The following SRFBP1 variants were observed in gnomAD, a reference collection of about 807,000 sequenced individuals.
The protein encoded by SRFBP1 is serum response factor binding protein 1, also known as serum response factor-binding protein 1.
A neutral mutation model predicts 45.5 loss-of-function variants in SRFBP1; 47 were observed. That is an observed-to-expected ratio of 1.03 (90% CI 0.82 to 1.32). The LOEUF (loss-of-function observed/expected upper bound fraction) is 1.32. SRFBP1 is among the 40% of genes most tolerant of loss of function. The pLI, the probability that SRFBP1 is intolerant of heterozygous loss-of-function variation, is 0.00. For missense variants in SRFBP1, 621 were observed against 484.6 expected, an observed-to-expected ratio of 1.28 and a Z score of -2.64; for synonymous variants, 203 against 166.3, an observed-to-expected ratio of 1.22 and a Z score of -1.70.
chr5:122,009,475 A>T (rs1475212639), intron 4 of SRFBP1, among the ~76,000 whole-genome samples: 1 of 152,020 alleles, frequency 6.6e-6, no homozygotes, highest in East Asian at 1.9e-4. Context: ...ACTATGTGTT[A>T]TATCTGTGAT....
In SRFBP1 at chr5:121,987,604, A is replaced by C. The variant is rs148243195; in HGVS notation, c.199-6995A>C. On this transcript the variant is annotated intron_variant, in intron 3 of 7. Transcript: ENST00000339397. ...AAATGACTCATTTTCAAATAGACCA[A>C]AAATTTAGAACCCAGACATTTCTTG... is the stretch of plus-strand genomic sequence containing the variant. Among the ~76,000 whole-genome samples the C allele has an allele frequency of 4.0e-3, 604 of 152,310 alleles. 5 individuals are homozygous for C. The highest frequency in any genetic ancestry group is 0.014 in the African/African-American group (581 of 41,574).
At chr5:121,977,123 A>G (rs1185542349) in intron 3 of SRFBP1, among the ~76,000 whole-genome samples, 2 of 152,056 alleles carry the variant, frequency 1.3e-5, no homozygotes, top group Non-Finnish European at 2.9e-5. Context: ...ATTCAGTGAT[A>G]AAGTTTGTAG....
At chr5:121,986,727 C>T (rs1752525861) in intron 3 of SRFBP1, among the ~76,000 whole-genome samples, 2 of 152,018 alleles carry the variant, frequency 1.3e-5, no homozygotes, top group Admixed American at 6.6e-5. Context: ...CTTTTTCTGC[C>T]TCATATCCGT....
intron 1 of SRFBP1, among the ~76,000 whole-genome samples, chr5:121,972,017 A>G (rs1752209402): frequency 1.3e-5 from 2 of 151,924 alleles, no homozygotes; most frequent in African/African-American, 2.4e-5. Context: ...TCTCCACACA[A>G]CTGAAGAGGG....
chr5:121,991,062 G>T (rs1398015785), intron 3 of SRFBP1, among the ~76,000 whole-genome samples: 2 of 152,218 alleles, frequency 1.3e-5, no homozygotes, highest in Admixed American at 1.3e-4. Context: ...TCAGGTAAGG[G>T]ACCCCAGCCT....
chr5:121,991,506 T>A (rs1212583950), intron 3 of SRFBP1, among the ~76,000 whole-genome samples: 1 of 152,164 alleles, frequency 6.6e-6, no homozygotes. Context: ...TGTGAAATTT[T>A]CTGTAATCTT....
At chr5:121,963,141 A>C (rs982496116) in intron 1 of SRFBP1, among the ~76,000 whole-genome samples, 3 of 152,240 alleles carry the variant, frequency 2.0e-5, no homozygotes, top group Admixed American at 6.5e-5. Flanking sequence ...TGGTATAAGC[A>C]GGAAAGGGCT....
chr5:121,976,739 GTA>G (rs764405171), intron 3 of SRFBP1, among the ~76,000 whole-genome samples: 18 of 148,060 alleles, frequency 1.2e-4, no homozygotes, highest in African/African-American at 1.5e-4. Context: ...GTGTATGCAT[GTA>G]TATATATATA....
In SRFBP1 at chr5:122,020,087, G is replaced by C; in HGVS notation, c.353-1G>C. On this transcript the variant is annotated splice_acceptor_variant, in intron 5 of 7. Coordinates refer to ENST00000339397, the MANE Select transcript of SRFBP1 (RefSeq NM_152546.3). LOFTEE classifies it high-confidence loss of function. ...TGAGTGATGCACTGTTTCTCTTGCA[G>C]CTGCTGTACAAGCCTTTAAAGAAGC... is the stretch of plus-strand genomic sequence containing the variant. 6.5e-7 allele frequency: 1 copy of C among 1,537,564 alleles called. No individual in the cohort carries two copies. Among genetic ancestry groups the C allele is most frequent in the Non-Finnish European group, 8.7e-7 (1 of 1,145,602 alleles).
At chr5:122,000,246 G>A (rs1408730948) in intron 4 of SRFBP1, among the ~76,000 whole-genome samples, 2 of 151,876 alleles carry the variant, frequency 1.3e-5, no homozygotes, top group Non-Finnish European at 2.9e-5. Flanking sequence ...TTGTGCCATT[G>A]TTGTTAAACA....
At chr5:121,984,616 C>T (rs1196990338) in intron 3 of SRFBP1, among the ~76,000 whole-genome samples, 1 of 151,724 alleles carries the variant, frequency 6.6e-6, no homozygotes, top group East Asian at 1.9e-4. Context: ...GAGTAAATAA[C>T]ATATACAACA....
intron 3 of SRFBP1, among the ~76,000 whole-genome samples, chr5:121,993,391 T>A (rs1752655306): frequency 6.6e-6 from 1 of 152,192 alleles, no homozygotes; most frequent in African/African-American, 2.4e-5. Flanking sequence ...TTGTTTAAAT[T>A]GTCCTATGAC....
At chr5:122,023,623 G>T (rs565838970) in intron 7 of SRFBP1, among the ~76,000 whole-genome samples, 1 of 152,302 alleles carries the variant, frequency 6.6e-6, no homozygotes, top group African/African-American at 2.4e-5. Context: ...TTCATGGTCC[G>T]TGTCTAGGGA....
intron 4 of SRFBP1, among the ~76,000 whole-genome samples, chr5:122,016,310 G>A (rs1753193182): frequency 6.6e-6 from 1 of 151,086 alleles, no homozygotes. Context: ...GTAGCTTCTT[G>A]GACAGAAATG....
rs112786247 is a variant in SRFBP1, at chr5:121,963,330, A to G, written c.36+1262A>G. 2.1e-3 allele frequency among the ~76,000 whole-genome samples: 324 copies of G among 152,302 alleles called. 1 individual carries two copies. The highest frequency in any genetic ancestry group is 7.5e-3 in the African/African-American group (310 of 41,564). ...AAGAGGGAAGCTGAAAGTAGTTACT[A>G]TTTACTCATAAACATACATTAAGCT... On this transcript the variant is annotated intron_variant, in intron 1 of 7. Coordinates refer to ENST00000339397, the MANE Select transcript of SRFBP1 (RefSeq NM_152546.3).
chr5:122,024,108 A>G (rs1753419035), intron 7 of SRFBP1, among the ~76,000 whole-genome samples: 1 of 152,128 alleles, frequency 6.6e-6, no homozygotes, highest in African/African-American at 2.4e-5. Flanking sequence ...AAATATCTAG[A>G]TTCTTTTGTT....
intron 1 of SRFBP1, among the ~76,000 whole-genome samples, chr5:121,970,939 G>A (rs1167305761): frequency 6.6e-6 from 1 of 151,974 alleles, no homozygotes; most frequent in East Asian, 1.9e-4. Flanking sequence ...ACCCTCTCAG[G>A]GAAGCCAGAA....
At chr5:122,030,024 G>T (rs993865262), downstream of SRFBP1, among the ~76,000 whole-genome samples, 2 of 152,140 alleles carry the variant, frequency 1.3e-5, no homozygotes, top group East Asian at 3.9e-4. Flanking sequence ...GCTAGTTTCA[G>T]AATTGCTAAG....
Position 122,045,231 on chromosome 5 carries a change from A to G in SRFBP1, n.311+22824A>G, listed in dbSNP as rs564660922. ...TGGTCTATGTGTCTGTTTTTGTACC[A>G]GGACCATGCTGTTTTGGTTACTGTA... On this transcript the variant is annotated intron_variant and non_coding_transcript_variant, in intron 2 of 2. Coordinates refer to the SRFBP1 transcript ENST00000504881. Among the ~76,000 whole-genome samples the G allele has an allele frequency of 4.3e-4, 65 of 152,308 alleles. 2 individuals are homozygous for G. In the South Asian group the frequency reaches 0.013, roughly 31 times the overall value.
Sources: allele counts gnomAD v4.1 joint callset (sites outside exome capture counted in the v4.1 genomes callset), GRCh38; gene constraint gnomAD v4.1.1; transcripts MANE v1.5; gene names NCBI Gene and HGNC (gene_info 2026-07-23, HGNC 2026-07-21).